LZTFL1: variants seen among roughly 807,000 people sequenced by gnomAD.
LZTFL1 encodes leucine zipper transcription factor like 1.
In LZTFL1, 25 loss-of-function variants were observed where a neutral mutation model predicts 45.9. The ratio of observed to expected loss-of-function variants is 0.54; its 90% CI spans 0.40 to 0.76. LZTFL1 has a LOEUF of 0.76. LZTFL1 is among the 30% of genes least tolerant of loss of function. LZTFL1 has a pLI of 0.00. For missense variants in LZTFL1, 277 were observed against 331.1 expected, an observed-to-expected ratio of 0.84 and a Z score of 1.27; for synonymous variants, 93 against 117.4, an observed-to-expected ratio of 0.79 and a Z score of 1.35.
chr3:45,863,837 G>C (rs1701535091), intron 2 of LZTFL1, among the ~76,000 whole-genome samples: 1 of 152,198 alleles, frequency 6.6e-6, no homozygotes, highest in South Asian at 2.1e-4. Flanking sequence ...GCAATGTGTG[G>C]TCCAGGATTG....
intron 2 of LZTFL1, chr3:45,894,841 TGGCA>T: frequency 9.1e-7 from 1 of 1,098,120 alleles, no homozygotes; most frequent in African/African-American, 1.5e-5. Context: ...TCCATCTTTT[TGGCA>T]TTTGGTTGTT....
intron 2 of LZTFL1, among the ~76,000 whole-genome samples, chr3:45,837,529 T>C (rs996760829): frequency 6.6e-6 from 1 of 152,244 alleles, no homozygotes; most frequent in Non-Finnish European, 1.5e-5. Flanking sequence ...TCTCTACTAA[T>C]TATTCAGTAT....
intron 2 of LZTFL1, among the ~76,000 whole-genome samples, chr3:45,878,739 A>G (rs914021574): frequency 6.6e-6 from 1 of 152,142 alleles, no homozygotes; most frequent in Admixed American, 6.6e-5. Flanking sequence ...AAACTCAACA[A>G]TAAGAAAATA....
chr3:45,882,014 C>T (rs758469166), intron 2 of LZTFL1, among the ~76,000 whole-genome samples: 1 of 152,224 alleles, frequency 6.6e-6, no homozygotes, highest in Non-Finnish European at 1.5e-5. Context: ...ACCACAGTGT[C>T]ATGTTCACTA....
At position 45,835,653 on chromosome 3, in the gene LZTFL1, A is replaced by G. The variant is rs515726135; in HGVS notation, c.260T>C (p.Leu87Pro). The G allele has an allele frequency of 1.2e-6, 2 of 1,614,198 alleles. No homozygotes were observed. Among genetic ancestry groups the G allele is most frequent in the Non-Finnish European group, 1.7e-6 (2 of 1,180,022 alleles). The part of the protein sequence containing the change: ...AYTNVLLLRQ[L>P]FAQAEKWYLK... ...ATACCACTTCTCAGCTTGTGCAAAC[A>G]GCTGTCGCAGAAGTAACACATTGGT... is the stretch of plus-strand genomic sequence containing the variant. The change falls in exon 3 of 10, where the codon CTG (leucine) becomes CCG (proline). Residue 87 changes from leucine (L) to proline (P), a missense_variant. Leu to Pro is a moderately conservative substitution (Grantham distance 98). Transcript: ENST00000296135.
At chr3:45,872,301 G>A (rs913819906) in intron 2 of LZTFL1, among the ~76,000 whole-genome samples, 9 of 151,956 alleles carry the variant, frequency 5.9e-5, no homozygotes, top group Non-Finnish European at 8.8e-5. Context: ...GGTGTCGATC[G>A]AGTACTTGGG....
At chr3:45,831,538 C>T (rs1402057198) in intron 5 of LZTFL1, among the ~76,000 whole-genome samples, 1 of 152,236 alleles carries the variant, frequency 6.6e-6, no homozygotes, top group Non-Finnish European at 1.5e-5. Context: ...CAGTACCATG[C>T]TCAAGCCCAC....
intron 4 of LZTFL1, among the ~76,000 whole-genome samples, chr3:45,833,438 A>G (rs1295580679): frequency 1.3e-5 from 2 of 152,206 alleles, no homozygotes; most frequent in African/African-American, 2.4e-5. Flanking sequence ...CAGATCTGAT[A>G]TAGAGCCTAG....
At chr3:45,912,483 G>A (rs190580960) in intron 2 of LZTFL1, among the ~76,000 whole-genome samples, 233 of 152,276 alleles carry the variant, frequency 1.5e-3, no homozygotes, top group African/African-American at 5.2e-3. Context: ...GATGTGCCAG[G>A]TCTGAGACTG....
chr3:45,887,752 G>A (rs1430833826), intron 2 of LZTFL1, among the ~76,000 whole-genome samples: 1 of 152,248 alleles, frequency 6.6e-6, no homozygotes, highest in African/African-American at 2.4e-5. Flanking sequence ...ACAGGCTTGT[G>A]TTGGGAGCCC....
Position 45,901,982 on chromosome 3 carries a change from T to C in LZTFL1, c.-215+11138A>G, listed in dbSNP as rs1702575850. 8.6e-7 allele frequency: 1 copy of C among 1,166,452 alleles called. No individual in the cohort carries two copies. Among genetic ancestry groups the C allele is most frequent in the African/African-American group, 1.5e-5 (1 of 64,706 alleles). 72.3% of individuals were successfully genotyped at this position (1,166,452 alleles called of 1,614,324 possible). ...TCCCCACTGATGGGACCAGAGAGAG[T>C]GAAAGAGAAAAGAAAACTCAGAAAG... is the stretch of plus-strand genomic sequence containing the variant. On this transcript the variant is annotated intron_variant, in intron 2 of 4. Transcript: ENST00000472635. The surrounding 1 kb of genome is among the most constrained non-coding windows in gnomAD (Gnocchi z 4.3).
At chr3:45,893,775 A>C (rs1036942697) in intron 2 of LZTFL1, among the ~76,000 whole-genome samples, 1 of 152,216 alleles carries the variant, frequency 6.6e-6, no homozygotes, top group African/African-American at 2.4e-5. Flanking sequence ...CTTTATGGGG[A>C]CATATACTTA....
chr3:45,843,252 C>T (rs1701160874), upstream of LZTFL1, among the ~76,000 whole-genome samples: 1 of 152,210 alleles, frequency 6.6e-6, no homozygotes, highest in Admixed American at 6.5e-5. Flanking sequence ...ACCATCCCAC[C>T]TCCCCATTTC....
chr3:45,887,324 A>G (rs1247379030), intron 2 of LZTFL1, among the ~76,000 whole-genome samples: 1 of 152,142 alleles, frequency 6.6e-6, no homozygotes, highest in African/African-American at 2.4e-5. Flanking sequence ...TCAGAAACTT[A>G]ACAATGGCTA....
chr3:45,886,315 G>T (rs1320937935), intron 2 of LZTFL1, among the ~76,000 whole-genome samples: 1 of 152,206 alleles, frequency 6.6e-6, no homozygotes, highest in Non-Finnish European at 1.5e-5. Flanking sequence ...TCTAGGAAGA[G>T]AATTTGCTCT....
intron 2 of LZTFL1, among the ~76,000 whole-genome samples, chr3:45,890,324 A>T (rs1163527899): frequency 1.2e-5 from 1 of 83,094 alleles, no homozygotes; most frequent in African/African-American, 6.1e-5. Flanking sequence ...TATTTATATA[A>T]ATATATATAT....
At chr3:45,837,277 T>C (rs935691159) in intron 2 of LZTFL1, among the ~76,000 whole-genome samples, 3 of 152,232 alleles carry the variant, frequency 2.0e-5, no homozygotes, top group Non-Finnish European at 2.9e-5. Context: ...TGCTGGGGGA[T>C]AGGAAACCAG....
intron 3 of LZTFL1, among the ~76,000 whole-genome samples, chr3:45,856,683 CA>C (rs1234501477): frequency 1.3e-5 from 2 of 151,596 alleles, no homozygotes; most frequent in African/African-American, 4.9e-5. Context: ...AATACATTTA[CA>C]AGAAAAAAAA....
chr3:45,847,278 G>A (rs1701232901), intron 4 of LZTFL1, among the ~76,000 whole-genome samples: 1 of 152,166 alleles, frequency 6.6e-6, no homozygotes, highest in African/African-American at 2.4e-5. Flanking sequence ...TTGTTTCAGG[G>A]TTGATGGCTT....
Sources: allele counts gnomAD v4.1 joint callset (sites outside exome capture counted in the v4.1 genomes callset), GRCh38; gene constraint gnomAD v4.1.1; non-coding constraint Gnocchi (gnomAD v3.1); transcripts MANE v1.5; gene names NCBI Gene and HGNC (gene_info 2026-07-23, HGNC 2026-07-21).